The following DOCK1 variants were observed in gnomAD, a reference collection of about 807,000 sequenced individuals.
The protein encoded by DOCK1 is dedicator of cytokinesis protein 1.
Under a neutral mutation model 262.7 loss-of-function variants are expected in DOCK1, and 138 were observed. The ratio of observed to expected loss-of-function variants is 0.53; its 90% CI spans 0.46 to 0.61. DOCK1 has a LOEUF of 0.61. Among genes scored for constraint, DOCK1 ranks in the 20% least tolerant of loss-of-function variants. DOCK1 has a pLI of 0.00. For synonymous variants in DOCK1, 866 were observed against 867.4 expected, an observed-to-expected ratio of 1.00 and a Z score of 0.03; for missense variants, 1,908 against 2,370.7, an observed-to-expected ratio of 0.80 and a Z score of 4.05.
intron 29 of DOCK1, among the ~76,000 whole-genome samples, chr10:127,285,403 A>G (rs998212324): frequency 3.3e-5 from 5 of 152,246 alleles, no homozygotes; most frequent in Non-Finnish European, 7.3e-5. Flanking sequence ...TATGGAAAAC[A>G]GTGAAAGATG....
rs1213688949 is a variant in DOCK1 at position 127,309,878 on chromosome 10, CT to C, written c.3045-29113del. 6.8e-3 allele frequency among the ~76,000 whole-genome samples: 958 copies of C among 141,134 alleles called. 2 individuals are homozygous for C. Among genetic ancestry groups the C allele is most frequent in the African/African-American group, 0.012 (478 of 38,730 alleles). 92.6% of individuals were successfully genotyped at this position (141,134 alleles called of 152,430 possible). A position where few individuals can be genotyped will look rare whatever the true frequency, so the allele number is the denominator to read the frequency against. On this transcript the variant is annotated intron_variant, in intron 29 of 51. Transcript: ENST00000623213. ...TGTTAGGTTAAGGGAATACCATGTT[CT>C]TTTTTTTTTTTTTTGAGACACAGTC... is the stretch of plus-strand genomic sequence containing the variant.
At chr10:127,432,330 T>C (rs529347690) in intron 47 of DOCK1, among the ~76,000 whole-genome samples, 17 of 152,008 alleles carry the variant, frequency 1.1e-4, no homozygotes, top group African/African-American at 3.4e-4. Context: ...ATATTAATCT[T>C]ACCTGTAATC....
chr10:127,064,988 C>T (rs575301045), intron 23 of DOCK1, among the ~76,000 whole-genome samples: 8 of 152,262 alleles, frequency 5.3e-5, no homozygotes, highest in Admixed American at 2.0e-4. Context: ...GGACTCATAC[C>T]ACATTTGTCC....
At chr10:126,988,037 A>G (rs535342218) in intron 5 of DOCK1, 1 of 143,996 alleles carries the variant, frequency 6.9e-6, no homozygotes, top group African/African-American at 2.7e-5. Context: ...GTCTGACAGT[A>G]GGTAATACCT....
At chr10:127,386,529 C>G (rs2066130702) in intron 38 of DOCK1, among the ~76,000 whole-genome samples, 1 of 151,490 alleles carries the variant, frequency 6.6e-6, no homozygotes, top group African/African-American at 2.4e-5. Context: ...CTATTGTGAA[C>G]TGTGCGTGTG....
chr10:127,446,582 C>T lies in DOCK1; in HGVS notation c.5414-812C>T, dbSNP rs2070573248. Among the ~76,000 whole-genome samples the T allele has an allele frequency of 6.6e-6, 1 of 152,174 alleles. No homozygotes were observed. Among genetic ancestry groups the T allele is most frequent in the Non-Finnish European group, 1.5e-5 (1 of 68,028 alleles). On this transcript the variant is annotated intron_variant, in intron 50 of 51. Transcript: ENST00000623213. The surrounding 1 kb of genome is among the most constrained non-coding windows in gnomAD (Gnocchi z 4.4). Reference sequence around the variant, plus strand: ...ATGGCAGAGCTTCCTTATAAGCTTACAGTGTGGCCTTCCTAGCATGCATTT... The same window carrying T: ...ATGGCAGAGCTTCCTTATAAGCTTATAGTGTGGCCTTCCTAGCATGCATTT...
At chr10:127,013,093 T>C (rs964084812) in intron 12 of DOCK1, among the ~76,000 whole-genome samples, 3 of 152,220 alleles carry the variant, frequency 2.0e-5, no homozygotes, top group Non-Finnish European at 4.4e-5. Context: ...AAAAAACAAT[T>C]ATCTTGATTC....
chr10:127,341,939 T>A (rs1458153554), intron 30 of DOCK1, among the ~76,000 whole-genome samples: 1 of 152,176 alleles, frequency 6.6e-6, no homozygotes, highest in African/African-American at 2.4e-5. Flanking sequence ...AGATCTTAAT[T>A]TAAACACCAC....
chr10:126,982,039 G>C (rs186573495), intron 4 of DOCK1, 66 bp downstream of exon 4: 26 of 1,534,596 alleles, frequency 1.7e-5, no homozygotes, highest in African/African-American at 2.7e-5. Flanking sequence ...CTGCTCTTTT[G>C]TACGATGGCG....
chr10:126,988,140 T>C (rs1006816296), intron 5 of DOCK1: 1 of 152,422 alleles, frequency 6.6e-6, no homozygotes, highest in African/African-American at 2.4e-5. Flanking sequence ...CGTGTGCAAT[T>C]GTCCAGTTCT....
In DOCK1 at chr10:127,448,886, C is replaced by T. The variant is rs55737392; in HGVS notation, c.5565+1341C>T. Among the ~76,000 whole-genome samples, 397 of 151,144 alleles carry T rather than the reference C, an allele frequency of 2.6e-3. 1 individual carries two copies. Among genetic ancestry groups the T allele is most frequent in the African/African-American group, 8.7e-3 (357 of 41,112 alleles). The stretch of plus-strand genomic sequence containing the variant: ...TTTTTTTTTAATGGAGACTCGTTGA[C>T]GGAGTGTTCCACAAGGTCATTACAT... On this transcript the variant is annotated intron_variant, in intron 51 of 51. Transcript: ENST00000623213.
intron 23 of DOCK1, among the ~76,000 whole-genome samples, chr10:127,070,155 A>G (rs994191046): frequency 2.0e-5 from 3 of 151,522 alleles, no homozygotes; most frequent in African/African-American, 4.8e-5. Flanking sequence ...GGCCAACTCT[A>G]CTGTGGCGTG....
At chr10:127,197,620 G>C (rs900606195) in intron 27 of DOCK1, among the ~76,000 whole-genome samples, 2 of 152,122 alleles carry the variant, frequency 1.3e-5, no homozygotes, top group African/African-American at 4.8e-5. Context: ...ACAGGCTTCG[G>C]AGAGGAAATT....
intron 38 of DOCK1, among the ~76,000 whole-genome samples, chr10:127,392,759 G>A (rs542341884): frequency 6.6e-6 from 1 of 152,118 alleles, no homozygotes; most frequent in South Asian, 2.1e-4. Context: ...CCCCAGCGCC[G>A]GGTCGGGGGC....
rs889030474 is a variant in DOCK1 at position 127,268,362 on chromosome 10, T to C, written c.3044+10933T>C. ...AATACAAAAAAAAATCAGCCAGGCA[T>C]GGTGGCATGTGCATGTAGCCCCAGC... On this transcript the variant is annotated intron_variant, in intron 29 of 51. Coordinates refer to ENST00000623213, the MANE Select transcript of DOCK1 (RefSeq NM_001290223.2). 5.3e-5 allele frequency among the ~76,000 whole-genome samples: 8 copies of C among 151,780 alleles called. No homozygotes were observed. In the South Asian group the frequency reaches 6.3e-4, roughly 12 times the overall value.
intron 1 of DOCK1, among the ~76,000 whole-genome samples, chr10:126,934,517 C>A (rs979686812): frequency 6.6e-6 from 1 of 152,226 alleles, no homozygotes; most frequent in Non-Finnish European, 1.5e-5. Flanking sequence ...TGCAAATACC[C>A]AAAGACGAGT....
chr10:126,941,905 G>A (rs1484489730), intron 1 of DOCK1, among the ~76,000 whole-genome samples: 1 of 152,208 alleles, frequency 6.6e-6, no homozygotes, highest in African/African-American at 2.4e-5. Flanking sequence ...AGTCCCATGG[G>A]AAGATAATTT....
At chr10:127,041,652 A>G (rs2044021869) in intron 19 of DOCK1, among the ~76,000 whole-genome samples, 1 of 152,350 alleles carries the variant, frequency 6.6e-6, no homozygotes, top group South Asian at 2.1e-4. Flanking sequence ...TTTCATAGCA[A>G]TTGCACAATT....
intron 1 of DOCK1, among the ~76,000 whole-genome samples, chr10:126,912,697 G>A (rs1333291333): frequency 7.0e-6 from 1 of 143,456 alleles, no homozygotes; most frequent in African/African-American, 2.6e-5. Flanking sequence ...CCGTACTCCA[G>A]CCTGGGTGAC....
Sources: gnomAD v4.1 joint callset for allele counts (sites outside exome capture counted in the v4.1 genomes callset) on GRCh38, gnomAD v4.1.1 for gene constraint, Gnocchi (gnomAD v3.1) non-coding constraint, MANE v1.5 for transcripts, NCBI Gene and HGNC (gene_info 2026-07-23, HGNC 2026-07-21) for gene names.